TRIO: variants seen among roughly 807,000 people sequenced by gnomAD.
TRIO encodes triple functional domain protein.
Under a neutral mutation model 351.9 loss-of-function variants are expected in TRIO, and 58 were observed. The observed-to-expected ratio is 0.16, with a 90% confidence interval of 0.13 to 0.21. The LOEUF is 0.21. Among genes scored for constraint, TRIO ranks in the 10% least tolerant of loss-of-function variants. The pLI is 1.00. For missense variants in TRIO, 3,201 were observed against 4,027.8 expected (o/e 0.79, Z 5.56); for synonymous variants, 1,758 against 1,595.7 (o/e 1.10, Z -2.42).
intron 25 of TRIO, 123 bp from the exon 26 acceptor site, chr5:14,390,108 A>G (rs112061869): frequency 2.3e-5 from 18 of 784,416 alleles, no homozygotes; most frequent in African/African-American, 1.9e-4. Flanking sequence ...AACTTACCCT[A>G]GTTAAGAGCT....
chr5:14,475,330 C>T (rs1319589526), intron 40 of TRIO, among the ~76,000 whole-genome samples: 2 of 132,488 alleles, frequency 1.5e-5, no homozygotes, highest in African/African-American at 5.8e-5. Context: ...ACCTCCAAAG[C>T]TCTGGCCTCT....
intron 32 of TRIO, 122 bp downstream of exon 32, chr5:14,406,112 G>C (rs2152380512): frequency 7.4e-7 from 1 of 1,344,014 alleles, no homozygotes. Flanking sequence ...TTTTTAAACT[G>C]CCATTTGTGG....
intron 27 of TRIO, among the ~76,000 whole-genome samples, chr5:14,393,068 A>AT (rs1271003278): frequency 6.6e-6 from 1 of 151,944 alleles, no homozygotes; most frequent in Non-Finnish European, 1.5e-5. Flanking sequence ...AAAAAAAAAA[A>AT]AAAGGATGGG....
intron 1 of TRIO, among the ~76,000 whole-genome samples, 178 bp downstream of exon 1, chr5:14,144,060 C>T (rs942118257): frequency 1.3e-5 from 2 of 151,922 alleles, no homozygotes; most frequent in African/African-American, 4.8e-5. Flanking sequence ...CGCCCCACAT[C>T]CGCGTGTCCC....
intron 11 of TRIO, among the ~76,000 whole-genome samples, chr5:14,342,654 A>C (rs1463414764): frequency 6.6e-6 from 1 of 152,140 alleles, no homozygotes; most frequent in Non-Finnish European, 1.5e-5. Flanking sequence ...AGTTGTCTAA[A>C]ATTTGGTTCC....
chr5:14,242,015 T>C (rs938095218), intron 1 of TRIO, among the ~76,000 whole-genome samples: 1 of 152,248 alleles, frequency 6.6e-6, no homozygotes, highest in Non-Finnish European at 1.5e-5. Context: ...TGCCGGGCAC[T>C]GGTCAAAACT....
chr5:14,321,991 T>G (rs1739933805), intron 9 of TRIO, among the ~76,000 whole-genome samples: 1 of 152,222 alleles, frequency 6.6e-6, no homozygotes, highest in Non-Finnish European at 1.5e-5. Flanking sequence ...ATGTTTTTCC[T>G]TTGTAAATTA....
chr5:14,190,152 A>G (rs1033820883), intron 1 of TRIO, among the ~76,000 whole-genome samples: 1 of 152,130 alleles, frequency 6.6e-6, no homozygotes, highest in Non-Finnish European at 1.5e-5. Context: ...AGAGGCTACT[A>G]GTTTTTGAAT....
chr5:14,508,637 G>A lies in TRIO; in HGVS notation c.*215G>A, dbSNP rs997916762. 4 of 532,120 alleles carry A rather than the reference G, an allele frequency of 7.5e-6. No homozygotes were observed. The highest frequency in any genetic ancestry group is 5.7e-5 in the African/African-American group (3 of 52,556). 33.0% of individuals were successfully genotyped at this position (532,120 alleles called of 1,614,324 possible). ...TCACTTACACTCTGCCCAAGGCAGA[G>A]GTCGCATTGCTGTATCACAGTATTT... On this transcript the variant is annotated 3_prime_UTR_variant, in exon 57 of 57. Transcript: ENST00000344204.
chr5:14,503,342 G>A (rs1757425595), intron 54 of TRIO, among the ~76,000 whole-genome samples: 1 of 152,234 alleles, frequency 6.6e-6, no homozygotes, highest in African/African-American at 2.4e-5. Flanking sequence ...TAGTCACATG[G>A]CTCCTGTTGC....
At position 14,299,642 on chromosome 5, in the gene TRIO, C is replaced by G. The variant is rs896989939; in HGVS notation, c.1368+2379C>G. Among the ~76,000 whole-genome samples, 4 of 152,354 alleles carry G rather than the reference C, an allele frequency of 2.6e-5. No individual in the cohort carries two copies. The East Asian group carries it at 7.7e-4, about 29-fold the overall frequency. ...CAAGACTAGGTCAACGTTGTTCCCT[C>G]ATTTTAAATGATTTGCCTTCTAGTT... On this transcript the variant is annotated intron_variant, in intron 7 of 56. Coordinates refer to ENST00000344204, the MANE Select transcript of TRIO (RefSeq NM_007118.4).
intron 1 of TRIO, among the ~76,000 whole-genome samples, chr5:14,147,560 T>C (rs779336825): frequency 2.6e-5 from 4 of 152,200 alleles, no homozygotes; most frequent in African/African-American, 9.7e-5. Flanking sequence ...TTTGTAGTTA[T>C]TCTGAAGCAT....
intron 56 of TRIO, 61 bp downstream of exon 56, chr5:14,507,321 C>G (rs1242092708): frequency 1.0e-5 from 16 of 1,591,050 alleles, no homozygotes; most frequent in Non-Finnish European, 1.4e-5. Context: ...CCATGCGGGA[C>G]ACAGAGCCCC....
intron 1 of TRIO, among the ~76,000 whole-genome samples, chr5:14,233,712 T>C (rs925992235): frequency 2.8e-4 from 42 of 152,262 alleles, no homozygotes; most frequent in African/African-American, 9.6e-4. Context: ...TAATTAAAAA[T>C]ATTTTTTTGT....
chr5:14,431,635 C>A (rs1751151912), intron 34 of TRIO, among the ~76,000 whole-genome samples: 1 of 152,164 alleles, frequency 6.6e-6, no homozygotes, highest in Non-Finnish European at 1.5e-5. Flanking sequence ...GTCTCAAAAA[C>A]ATTTAGATCA....
At chr5:14,418,380 A>T (rs1474445550) in intron 33 of TRIO, among the ~76,000 whole-genome samples, 2 of 152,140 alleles carry the variant, frequency 1.3e-5, no homozygotes, top group Admixed American at 6.6e-5. Flanking sequence ...TCTGTGAGGG[A>T]GGAAGCTCAG....
At chr5:14,380,264 C>T (rs1346182337) in intron 20 of TRIO, among the ~76,000 whole-genome samples, 2 of 28,686 alleles carry the variant, frequency 7.0e-5, no homozygotes, top group Non-Finnish European at 1.4e-4. Flanking sequence ...CTCTTCCCGG[C>T]GCCCCGCCTC....
chr5:14,357,926 C>CCG (rs758995680), intron 11 of TRIO, among the ~76,000 whole-genome samples: 1 of 152,068 alleles, frequency 6.6e-6, no homozygotes, highest in South Asian at 2.1e-4. Flanking sequence ...ACAGTGCTGC[C>CCG]CGCCGTTCGC....
intron 8 of TRIO, among the ~76,000 whole-genome samples, chr5:14,313,691 A>C (rs1311238343): frequency 2.0e-5 from 3 of 152,196 alleles, no homozygotes; most frequent in African/African-American, 4.8e-5. Flanking sequence ...CTTTTTTAGC[A>C]GGTAGGCTGC....
Sources: allele counts gnomAD v4.1 joint callset (sites outside exome capture counted in the v4.1 genomes callset), GRCh38; gene constraint gnomAD v4.1.1; transcripts MANE v1.5; gene names NCBI Gene and HGNC (gene_info 2026-07-23, HGNC 2026-07-21).